The following SH3PXD2B variants were observed in gnomAD, a reference collection of about 807,000 sequenced individuals.
SH3PXD2B encodes the protein SH3 and PX domains 2B.
In SH3PXD2B, 37 loss-of-function variants were observed where a neutral mutation model predicts 73.1. The ratio of observed to expected loss-of-function variants is 0.51; its 90% CI spans 0.39 to 0.67. The LOEUF (loss-of-function observed/expected upper bound fraction) is 0.67, where lower values mean the gene tolerates loss of function less well. Ranked by LOEUF, SH3PXD2B falls within the 30% of genes least tolerant of loss-of-function variation. The pLI, the probability that SH3PXD2B is intolerant of heterozygous loss-of-function variation, is 0.00. For synonymous variants in SH3PXD2B, 457 were observed against 480.5 expected, an observed-to-expected ratio of 0.95 and a Z score of 0.64; for missense variants, 1,053 against 1,197.8, an observed-to-expected ratio of 0.88 and a Z score of 1.78.
Position 172,339,395 on chromosome 5 carries a change from A to G in SH3PXD2B, c.1710T>C (p.Pro570=), listed in dbSNP as rs750139752. 2 of 1,614,038 alleles carry G rather than the reference A, an allele frequency of 1.2e-6. No individual in the cohort carries two copies. The highest frequency in any genetic ancestry group is 2.2e-5 in the South Asian group (2 of 91,080). The part of the protein sequence containing the change: ...ILPMMPAKHI[P]PARDSRRPEP... ...CTGGCCTCCTGCTGTCCCGGGCTGG[A>G]GGGATGTGTTTGGCTGGCATCATCG... The change falls in exon 13 of 13, where the codon CCT becomes CCC. Residue 570 remains proline (P), a synonymous_variant. Transcript: ENST00000311601. The surrounding 1 kb of genome is among the most constrained non-coding windows in gnomAD (Gnocchi z 6.1).
chr5:172,338,425 C>T lies in SH3PXD2B; in HGVS notation c.2680G>A (p.Gly894Arg), dbSNP rs774654339. 1.3e-5 allele frequency: 21 copies of T among 1,614,102 alleles called. No individual in the cohort carries two copies. The highest frequency in any genetic ancestry group is 6.7e-5 in the East Asian group (3 of 44,892). ...SGWWFCQVLS[G>R]APSWEGWIPS... ...ATCCACCCTTCCCAGGAAGGGGCTC[C>T]GCTCAGGACCTGGCAGAACCACCAG... The change falls in exon 13 of 13, where the codon GGA (glycine) becomes AGA (arginine). Residue 894 changes from glycine to arginine, a missense_variant. By Grantham distance (125) the Gly-to-Arg change is moderately radical. Coordinates refer to ENST00000311601, the MANE Select transcript of SH3PXD2B (RefSeq NM_001017995.3). This position sits in a 1 kb window ranked among gnomAD's most constrained non-coding sequence, Gnocchi z 5.1.
At chr5:172,332,246 T>G (rs144632324), downstream of SH3PXD2B, among the ~76,000 whole-genome samples, 510 of 139,464 alleles carry the variant, frequency 3.7e-3, 4 homozygotes, top group African/African-American at 0.012. Context: ...ACCGCATGAC[T>G]TTTTCCTTCC....
intron 4 of SH3PXD2B, among the ~76,000 whole-genome samples, chr5:172,391,619 A>T (rs6556018): frequency 6.6e-6 from 1 of 151,872 alleles, no homozygotes; most frequent in Admixed American, 6.5e-5. Flanking sequence ...TGTGCCACTA[A>T]GCCCGGCTAG....
downstream of SH3PXD2B, among the ~76,000 whole-genome samples, chr5:172,332,783 C>G (rs1489007961): frequency 6.6e-6 from 1 of 152,064 alleles, no homozygotes; most frequent in Non-Finnish European, 1.5e-5. Context: ...AACAAGGAGG[C>G]TCCACACTGG....
rs1296774355 is a variant in SH3PXD2B at position 172,361,571 on chromosome 5, C to T, written c.562+1164G>A. Among the ~76,000 whole-genome samples, 6 of 152,140 alleles carry T rather than the reference C, an allele frequency of 3.9e-5. No homozygotes were observed. The South Asian group carries it at 6.2e-4, about 16-fold the overall frequency. ...AGGGCAGTGGGTGCTCCTGTCTTTACGTCCCCATGGTTGTGTCCTAGCCAC... is the reference window on the plus strand; with the variant it reads ...AGGGCAGTGGGTGCTCCTGTCTTTATGTCCCCATGGTTGTGTCCTAGCCAC... On this transcript the variant is annotated intron_variant, in intron 7 of 12. Coordinates refer to ENST00000311601, the MANE Select transcript of SH3PXD2B (RefSeq NM_001017995.3).
intron 4 of SH3PXD2B, among the ~76,000 whole-genome samples, chr5:172,389,053 TTTTC>T (rs1758116501): frequency 6.8e-6 from 1 of 146,998 alleles, no homozygotes. Context: ...CATTTTTACT[TTTTC>T]TTTTTTTTTT....
At chr5:172,367,024 C>T (rs2569241) in intron 6 of SH3PXD2B, among the ~76,000 whole-genome samples, 53,184 of 147,094 alleles carry the variant, frequency 0.36, 9,976 homozygotes, top group East Asian at 0.65. Context: ...GCAACCTCTG[C>T]CCCCAGGGCT....
intron 2 of SH3PXD2B, among the ~76,000 whole-genome samples, chr5:172,408,683 C>T (rs879482383): frequency 2.7e-4 from 41 of 151,468 alleles, no homozygotes; most frequent in African/African-American, 8.7e-4. Context: ...GGATTACAGG[C>T]GCCTGCCTAA....
intron 1 of SH3PXD2B, among the ~76,000 whole-genome samples, chr5:172,446,689 G>A (rs1759670324): frequency 1.3e-5 from 2 of 152,250 alleles, no homozygotes; most frequent in Admixed American, 6.5e-5. Flanking sequence ...GCCCAGGGAA[G>A]TGGGCTGTAG....
intron 3 of SH3PXD2B, among the ~76,000 whole-genome samples, chr5:172,396,616 CTT>C (rs34169390): frequency 0.051 from 6,408 of 126,444 alleles, 367 homozygotes; most frequent in African/African-American, 0.16. Context: ...GAGAGAAAGC[CTT>C]TTTTTTTTTT....
rs796264690 is a variant in SH3PXD2B, at chr5:172,368,484, AAT to A, written c.427+5304_427+5305del. ...ATATATATATTATATATATATATAA[AAT>A]ATATATATATTATATATATATATAT... On this transcript the variant is annotated intron_variant, in intron 6 of 12. Transcript: ENST00000311601. 1.5e-4 allele frequency among the ~76,000 whole-genome samples: 3 copies of A among 19,706 alleles called. 1 individual carries two copies. Among genetic ancestry groups the A allele is most frequent in the South Asian group, 4.0e-3 (2 of 496 alleles). 12.9% of individuals were successfully genotyped at this position (19,706 alleles called of 152,430 possible). A position where few individuals can be genotyped will look rare whatever the true frequency, so the allele number is the denominator to read the frequency against.
Position 172,339,456 on chromosome 5 carries a change from C to T in SH3PXD2B, c.1649G>A (p.Arg550Gln), listed in dbSNP as rs1452043878. ...ERERQRTEQLRGPTPKPPGVI... is the reference protein window; with the variant it reads ...ERERQRTEQLQGPTPKPPGVI... ...GCCCGGAGGCTTGGGAGTGGGGCCC[C>T]GGAGCTGCTCCGTCCTCTGCCGCTC... Residue 550 changes from arginine to glutamine, a missense_variant, in exon 13 of 13, where the codon CGG becomes CAG. By Grantham distance (43) the Arg-to-Gln change is conservative (BLOSUM62 1). Transcript: ENST00000311601. The surrounding 1 kb of genome is among the most constrained non-coding windows in gnomAD (Gnocchi z 6.1). The T allele has an allele frequency of 5.0e-6, 8 of 1,613,924 alleles. No homozygotes were observed. Among genetic ancestry groups the T allele is most frequent in the South Asian group, 3.3e-5 (3 of 91,086 alleles).
chr5:172,407,847 C>T (rs1014065774), intron 2 of SH3PXD2B, among the ~76,000 whole-genome samples: 2 of 152,208 alleles, frequency 1.3e-5, no homozygotes, highest in South Asian at 2.1e-4. Flanking sequence ...ATTAAATCCT[C>T]GATCATTGCT....
chr5:172,375,518 C>G (rs1757804223), intron 5 of SH3PXD2B, among the ~76,000 whole-genome samples: 1 of 152,204 alleles, frequency 6.6e-6, no homozygotes, highest in Admixed American at 6.5e-5. Flanking sequence ...CATTCCCCCT[C>G]CTCCAGGCCT....
intron 8 of SH3PXD2B, among the ~76,000 whole-genome samples, chr5:172,355,105 C>T (rs532486371): frequency 1.3e-5 from 2 of 152,338 alleles, no homozygotes; most frequent in African/African-American, 4.8e-5. Flanking sequence ...GTTACATTTC[C>T]GCCCCTGGTT....
At chr5:172,392,072 T>C (rs1229812350) in intron 4 of SH3PXD2B, among the ~76,000 whole-genome samples, 1 of 152,050 alleles carries the variant, frequency 6.6e-6, no homozygotes, top group Non-Finnish European at 1.5e-5. Context: ...TGTATAGCTG[T>C]TGTGGGTTAT....
chr5:172,432,483 G>GAATT, intron 1 of SH3PXD2B, among the ~76,000 whole-genome samples: 1 of 152,288 alleles, frequency 6.6e-6, no homozygotes, highest in South Asian at 2.1e-4. Flanking sequence ...AGCTGGGAAC[G>GAATT]TGCACGTTGG....
chr5:172,422,737 G>A (rs1032106253), intron 1 of SH3PXD2B, among the ~76,000 whole-genome samples: 1 of 152,240 alleles, frequency 6.6e-6, no homozygotes, highest in Admixed American at 6.5e-5. Context: ...GGATGCAGTG[G>A]CACCACATCA....
In SH3PXD2B at chr5:172,325,205, C is replaced by T. The variant is rs887875441; in HGVS notation, c.*71G>A. The stretch of plus-strand genomic sequence containing the variant: ...GTTTTGTATTACGCATATTTTACCA[C>T]GACAAAAAAAAATACAGTAAAAGCA... On this transcript the variant is annotated 3_prime_UTR_variant, in exon 13 of 13. Coordinates refer to the SH3PXD2B transcript ENST00000519643. 8.1e-5 allele frequency: 94 copies of T among 1,158,196 alleles called. No individual in the cohort carries two copies. The East Asian group carries it at 2.2e-3, about 27-fold the overall frequency. 71.7% of individuals were successfully genotyped at this position (1,158,196 alleles called of 1,614,324 possible). A position where few individuals can be genotyped will look rare whatever the true frequency, so the allele number is the denominator to read the frequency against.
Sources: gnomAD v4.1 joint callset for allele counts (sites outside exome capture counted in the v4.1 genomes callset) on GRCh38, gnomAD v4.1.1 for gene constraint, Gnocchi (gnomAD v3.1) non-coding constraint, MANE v1.5 for transcripts, NCBI Gene and HGNC (gene_info 2026-07-23, HGNC 2026-07-21) for gene names.